NAALADL2: variants seen among roughly 807,000 people sequenced by gnomAD.
NAALADL2 encodes inactive N-acetylated-alpha-linked acidic dipeptidase-like protein 2.
Under a neutral mutation model 87.2 loss-of-function variants are expected in NAALADL2, and 76 were observed. That is an observed-to-expected ratio of 0.87 (90% confidence interval 0.72 to 1.05). The LOEUF is 1.05. Ranked by LOEUF, NAALADL2 falls within the 50% of genes least tolerant of loss-of-function variation. The pLI is 0.00. For missense variants in NAALADL2, 1,089 were observed against 945.8 expected (o/e 1.15, Z -1.99); for synonymous variants, 354 against 331.0 (o/e 1.07, Z -0.75).
rs1477269197 is a variant in NAALADL2, at chr3:175,324,326, G to A, written c.1090+1G>A. ...TCTACGCCTGGTTACCCAAGTGTCG[G>A]TAAGTTTGTTGGTCATCATTATTAT... On this transcript the variant is annotated splice_donor_variant, in intron 5 of 13. Transcript: ENST00000454872. LOFTEE classifies it high-confidence loss of function. 6.2e-7 allele frequency: 1 copy of A among 1,608,328 alleles called. No individual in the cohort carries two copies. The highest frequency in any genetic ancestry group is 8.5e-7 in the Non-Finnish European group (1 of 1,177,864).
At chr3:175,696,216 G>T (rs1205005574) in intron 11 of NAALADL2, among the ~76,000 whole-genome samples, 1 of 152,096 alleles carries the variant, frequency 6.6e-6, no homozygotes, top group African/African-American at 2.4e-5. Flanking sequence ...CACATACAGA[G>T]TATTCTGCTT....
At chr3:174,972,337 T>A (rs1743797080) in intron 1 of NAALADL2, among the ~76,000 whole-genome samples, 1 of 152,206 alleles carries the variant, frequency 6.6e-6, no homozygotes, top group South Asian at 2.1e-4. Flanking sequence ...AACCATTGAC[T>A]GGGTGGCTTA....
intron 5 of NAALADL2, among the ~76,000 whole-genome samples, chr3:175,426,620 C>T (rs1716828601): frequency 6.6e-6 from 1 of 152,162 alleles, no homozygotes; most frequent in Non-Finnish European, 1.5e-5. Context: ...GTTGCCACTG[C>T]AAAGTAATCC....
chr3:175,393,285 A>AC, intron 5 of NAALADL2, among the ~76,000 whole-genome samples: 1 of 95,752 alleles, frequency 1.0e-5, no homozygotes, highest in Non-Finnish European at 2.2e-5. Context: ...CGTCTCAAAA[A>AC]AAAAAAAAAA....
chr3:174,643,342 A>G (rs912942726), intron 2 of NAALADL2, among the ~76,000 whole-genome samples: 3 of 152,098 alleles, frequency 2.0e-5, no homozygotes, highest in Non-Finnish European at 4.4e-5. Context: ...TGACTACAGT[A>G]TATTGATTTT....
At chr3:175,706,455 A>G (rs938245559) in intron 11 of NAALADL2, among the ~76,000 whole-genome samples, 1 of 152,198 alleles carries the variant, frequency 6.6e-6, no homozygotes, top group Non-Finnish European at 1.5e-5. Flanking sequence ...AACTGTAATA[A>G]AAAGGTATGT....
chr3:174,892,417 G>T (rs1234135199), intron 1 of NAALADL2, among the ~76,000 whole-genome samples: 2 of 152,028 alleles, frequency 1.3e-5, no homozygotes, highest in East Asian at 3.9e-4. Flanking sequence ...CTGAACCAGT[G>T]TATTTGAAAA....
intron 2 of NAALADL2, among the ~76,000 whole-genome samples, chr3:174,581,629 A>G (rs1716177118): frequency 6.6e-6 from 1 of 152,160 alleles, no homozygotes; most frequent in South Asian, 2.1e-4. Flanking sequence ...AAAAATTCTG[A>G]GCAGTGATGT....
At chr3:174,930,613 A>AGTTTTTTTTTTTTTTTTTTTTTTTT (rs1188907600) in intron 1 of NAALADL2, among the ~76,000 whole-genome samples, 1 of 99,776 alleles carries the variant, frequency 1.0e-5, no homozygotes, top group Non-Finnish European at 2.0e-5. Flanking sequence ...AATAAGATGA[A>AGTTTTTTTTTTTTTTTTTTTTTTTT]CTTTTTTTTT....
chr3:174,843,644 GTAAT>G, intron 3 of NAALADL2, among the ~76,000 whole-genome samples: 2 of 152,048 alleles, frequency 1.3e-5, no homozygotes, highest in South Asian at 4.1e-4. Context: ...CTATTAATCT[GTAAT>G]CCCAACAACA....
intron 2 of NAALADL2, among the ~76,000 whole-genome samples, chr3:174,648,867 G>A (rs939194536): frequency 1.3e-5 from 2 of 152,184 alleles, no homozygotes; most frequent in East Asian, 3.9e-4. Context: ...GTGTCAATAT[G>A]TATACATATG....
chr3:175,698,503 A>AT (rs1491393693), intron 11 of NAALADL2, among the ~76,000 whole-genome samples: 2,869 of 141,066 alleles, frequency 0.02, 521 homozygotes, highest in African/African-American at 0.037. Flanking sequence ...ATATATATAT[A>AT]AAATCTCCAA....
At chr3:175,322,706 A>G (rs1341380182) in intron 4 of NAALADL2, among the ~76,000 whole-genome samples, 1 of 147,302 alleles carries the variant, frequency 6.8e-6, no homozygotes. Context: ...TCAAAAGAAG[A>G]CATTTATGCA....
chr3:174,619,219 T>C (rs1163428386), intron 2 of NAALADL2, among the ~76,000 whole-genome samples: 2 of 151,990 alleles, frequency 1.3e-5, no homozygotes, highest in Non-Finnish European at 2.9e-5. Context: ...TTTAAAAATC[T>C]ATTTTCCCTT....
chr3:174,753,387 T>G (rs1428900861), intron 3 of NAALADL2, among the ~76,000 whole-genome samples: 1 of 152,234 alleles, frequency 6.6e-6, no homozygotes, highest in African/African-American at 2.4e-5. Flanking sequence ...TCCCCTTTTT[T>G]TCTTAAGGAT....
intron 10 of NAALADL2, among the ~76,000 whole-genome samples, chr3:175,608,099 C>G (rs1172086587): frequency 6.6e-6 from 1 of 151,258 alleles, no homozygotes; most frequent in African/African-American, 2.4e-5. Context: ...TGTGGCCACT[C>G]AAATATCATG....
intron 5 of NAALADL2, among the ~76,000 whole-genome samples, chr3:175,334,291 G>A (rs1048450640): frequency 6.6e-6 from 1 of 152,126 alleles, no homozygotes; most frequent in African/African-American, 2.4e-5. Flanking sequence ...GATAGTAGAG[G>A]TAGCAATCCA....
intron 3 of NAALADL2, among the ~76,000 whole-genome samples, chr3:174,763,607 A>AAAAAAAAAAAAAAAAAAAAAAAC (rs1713377406): frequency 6.7e-6 from 1 of 150,110 alleles, no homozygotes; most frequent in Non-Finnish European, 1.5e-5. Context: ...AAAAAGACTA[A>AAAAAAAAAAAAAAAAAAAAAAAC]AATGTTGAAG....
intron 1 of NAALADL2, chr3:175,059,971 G>A: frequency 2.3e-6 from 1 of 436,090 alleles, no homozygotes. Flanking sequence ...GCTCTTGTCT[G>A]CCAGGTAATC....
Sources: gnomAD v4.1 joint callset for allele counts (sites outside exome capture counted in the v4.1 genomes callset) on GRCh38, gnomAD v4.1.1 for gene constraint, MANE v1.5 for transcripts, NCBI Gene and HGNC (gene_info 2026-07-23, HGNC 2026-07-21) for gene names.